Variants in SPART observed in about 807,000 individuals in gnomAD.
SPART encodes spastic paraplegia 20 (Troyer syndrome).
Under a neutral mutation model 58.7 loss-of-function variants are expected in SPART, and 35 were observed. The ratio of observed to expected loss-of-function variants is 0.60; its 90% CI spans 0.46 to 0.79. SPART has a LOEUF of 0.79. Among genes scored for constraint, SPART ranks in the 30% least tolerant of loss-of-function variants. The probability of loss-of-function intolerance (pLI) is 0.00; values close to 1 mark genes in which losing one functional copy is unlikely to be tolerated. For synonymous variants in SPART, 284 were observed against 280.7 expected (o/e 1.01, Z -0.12); for missense variants, 730 against 786.1 (o/e 0.93, Z 0.85).
chr13:36,349,888 G>C (rs1376343184), upstream of SPART, among the ~76,000 whole-genome samples: 1 of 152,020 alleles, frequency 6.6e-6, no homozygotes, highest in Non-Finnish European at 1.5e-5. Context: ...TGGATTTTGT[G>C]GTATCTGTAG....
chr13:36,353,200 G>T (rs1281811779), intron 1 of SPART, among the ~76,000 whole-genome samples: 3 of 152,156 alleles, frequency 2.0e-5, no homozygotes, highest in African/African-American at 7.2e-5. Context: ...CATTCATCTT[G>T]TTTACATGGT....
chr13:36,312,632 C>T, intron 6 of SPART, 155 bp from the exon 7 acceptor site: 1 of 858,618 alleles, frequency 1.2e-6, no homozygotes, highest in Non-Finnish European at 1.8e-6. Flanking sequence ...GAGAGGAGGT[C>T]TCACTATGTT....
chr13:36,325,765 G>A (rs1234377807), intron 5 of SPART, among the ~76,000 whole-genome samples: 1 of 152,126 alleles, frequency 6.6e-6, no homozygotes, highest in African/African-American at 2.4e-5. Flanking sequence ...TTCTCAAAGA[G>A]CTTGGCTATA....
intron 5 of SPART, among the ~76,000 whole-genome samples, chr13:36,322,280 T>C (rs1220338355): frequency 6.6e-5 from 10 of 151,876 alleles, no homozygotes. Context: ...AACTTTGTGT[T>C]TACTAAAAAT....
intron 1 of SPART, among the ~76,000 whole-genome samples, chr13:36,355,083 A>T (rs1334511521): frequency 5.3e-5 from 8 of 152,210 alleles, no homozygotes. Context: ...GTATCAGGCA[A>T]TTGCTTGATA....
intron 4 of SPART, among the ~76,000 whole-genome samples, chr13:36,328,595 TAG>T (rs1044889868): frequency 1.3e-5 from 2 of 152,194 alleles, no homozygotes; most frequent in Admixed American, 6.5e-5. Flanking sequence ...TTCTTTCCAT[TAG>T]ACAGTAAATT....
intron 8 of SPART, among the ~76,000 whole-genome samples, chr13:36,310,924 G>A (rs1414773268): frequency 6.6e-6 from 1 of 151,938 alleles, no homozygotes; most frequent in East Asian, 1.9e-4. Context: ...TGGCCCTCAT[G>A]CATACCGCTC....
intron 1 of SPART, among the ~76,000 whole-genome samples, chr13:36,355,307 T>G (rs1885578756): frequency 6.6e-6 from 1 of 152,208 alleles, no homozygotes; most frequent in Non-Finnish European, 1.5e-5. Flanking sequence ...ATTACAGGCA[T>G]GCACCACCAT....
intron 8 of SPART, among the ~76,000 whole-genome samples, chr13:36,307,141 T>C (rs766645386): frequency 6.6e-6 from 1 of 152,176 alleles, no homozygotes; most frequent in Non-Finnish European, 1.5e-5. Context: ...GGAAGTTAAA[T>C]TTATTTTTGA....
Position 36,335,737 on chromosome 13 carries a change from TCA to T in SPART, c.92_93del (p.Leu31GlnfsTer4). ...KKAFLFVNKG[L>X]NTDELGQKEE... ...TCCTTCTGACCTAATTCATCTGTAT[TCA>T]GACCTTTGTTAACAAATAAAAAGGC... On this transcript the variant is annotated frameshift_variant, in exon 2 of 9. Transcript: ENST00000438666. LOFTEE classifies it high-confidence loss of function. The T allele has an allele frequency of 6.2e-7, 1 of 1,614,116 alleles. No homozygotes were observed. Among genetic ancestry groups the T allele is most frequent in the Non-Finnish European group, 8.5e-7 (1 of 1,179,982 alleles).
chr13:36,321,829 CA>C (rs1882434936), intron 5 of SPART, among the ~76,000 whole-genome samples: 1 of 152,194 alleles, frequency 6.6e-6, no homozygotes, highest in African/African-American at 2.4e-5. Flanking sequence ...TGAAGAATCA[CA>C]AAAGAAGTGA....
At chr13:36,352,543 A>T (rs1238766548) in intron 1 of SPART, among the ~76,000 whole-genome samples, 1 of 152,188 alleles carries the variant, frequency 6.6e-6, no homozygotes, top group East Asian at 1.9e-4. Flanking sequence ...ACACAGGCAA[A>T]ATCAGACAGA....
In SPART at chr13:36,307,371, T is replaced by C. The variant is rs569076865; in HGVS notation, c.1734-2739A>G. On this transcript the variant is annotated intron_variant, in intron 8 of 8. Coordinates refer to ENST00000438666, the MANE Select transcript of SPART (RefSeq NM_015087.5). ...GGTAATATGACACCTGTCATTGAAG[T>C]TACCCCTTCATCCAGTGCAAATTTA... 4.3e-4 allele frequency among the ~76,000 whole-genome samples: 65 copies of C among 152,236 alleles called. No homozygotes were observed. In the South Asian group the frequency reaches 0.013, roughly 30 times the overall value.
chr13:36,345,612 T>G (rs140683698), intron 1 of SPART: 1 of 152,226 alleles, frequency 6.6e-6, no homozygotes, highest in Non-Finnish European at 1.5e-5. Context: ...GCAATAATGC[T>G]GCGTCACGAA....
At chr13:36,340,380 T>G (rs1213848421) in intron 1 of SPART, among the ~76,000 whole-genome samples, 1 of 150,922 alleles carries the variant, frequency 6.6e-6, no homozygotes, top group Non-Finnish European at 1.5e-5. Flanking sequence ...TAAAAATAAA[T>G]AAATAAATAA....
At chr13:36,355,305 C>T (rs1885578453) in intron 1 of SPART, among the ~76,000 whole-genome samples, 1 of 152,196 alleles carries the variant, frequency 6.6e-6, no homozygotes, top group South Asian at 2.1e-4. Context: ...GGATTACAGG[C>T]ATGCACCACC....
chr13:36,339,637 A>AAC (rs1884378469), intron 1 of SPART, among the ~76,000 whole-genome samples: 1 of 149,668 alleles, frequency 6.7e-6, no homozygotes, highest in Non-Finnish European at 1.5e-5. Flanking sequence ...CAAAAAAAAA[A>AAC]AAAAAAAAAA....
At chr13:36,342,981 G>A (rs1236458828) in intron 1 of SPART, among the ~76,000 whole-genome samples, 1 of 152,068 alleles carries the variant, frequency 6.6e-6, no homozygotes, top group African/African-American at 2.4e-5. Flanking sequence ...ACTGCCCCAG[G>A]ATGGAAAAGC....
At chr13:36,366,353 A>G (rs1327061147) in intron 1 of SPART, among the ~76,000 whole-genome samples, 1 of 152,114 alleles carries the variant, frequency 6.6e-6, no homozygotes, top group Non-Finnish European at 1.5e-5. Flanking sequence ...TCACACTACT[A>G]TTACCACCAT....
Sources: allele counts gnomAD v4.1 joint callset (sites outside exome capture counted in the v4.1 genomes callset), GRCh38; gene constraint gnomAD v4.1.1; transcripts MANE v1.5; gene names NCBI Gene and HGNC (gene_info 2026-07-23, HGNC 2026-07-21).